The following DYM variants were observed in gnomAD, a reference collection of about 807,000 sequenced individuals.
DYM encodes the protein dyggve-Melchior-Clausen syndrome protein.
In DYM, 78 loss-of-function variants were observed where a neutral mutation model predicts 93.1. That is an observed-to-expected ratio of 0.84 (90% CI 0.70 to 1.01). DYM has a LOEUF of 1.01. Among genes scored for constraint, DYM ranks in the 50% least tolerant of loss-of-function variants. The pLI is 0.00. For synonymous variants in DYM, 321 were observed against 319.7 expected, an observed-to-expected ratio of 1.00 and a Z score of -0.04; for missense variants, 789 against 845.0, an observed-to-expected ratio of 0.93 and a Z score of 0.82.
intron 2 of DYM, chr18:49,411,858 G>A (rs79818161): frequency 5.3e-5 from 8 of 151,982 alleles, no homozygotes; most frequent in Admixed American, 1.3e-4. Context: ...AACAAGTAAC[G>A]ATTCAGGAAA....
chr18:49,239,788 G>C (rs1046466083), intron 13 of DYM, among the ~76,000 whole-genome samples: 2 of 152,242 alleles, frequency 1.3e-5, no homozygotes, highest in Non-Finnish European at 1.5e-5. Context: ...TAGAGAATCA[G>C]TTAGCTAAGC....
intron 5 of DYM, among the ~76,000 whole-genome samples, chr18:49,373,800 G>C (rs1230687628): frequency 6.6e-6 from 1 of 152,082 alleles, no homozygotes; most frequent in Non-Finnish European, 1.5e-5. Flanking sequence ...GTATTGAGTG[G>C]GCTATGCTCT....
chr18:49,318,275 G>A (rs1261830600), intron 8 of DYM, among the ~76,000 whole-genome samples: 1 of 152,168 alleles, frequency 6.6e-6, no homozygotes, highest in Non-Finnish European at 1.5e-5. Context: ...GAACAATATG[G>A]GAAACTGAGA....
chr18:49,088,031 G>A (rs1450374049), intron 17 of DYM, among the ~76,000 whole-genome samples: 2 of 152,010 alleles, frequency 1.3e-5, no homozygotes, highest in Admixed American at 6.5e-5. Context: ...TGTCAGATGA[G>A]TAGATTGCAA....
Position 49,074,477 on chromosome 18 carries a change from C to G in DYM, c.2025+22925G>C, listed in dbSNP as rs112499720. Among the ~76,000 whole-genome samples the G allele has an allele frequency of 2.9e-3, 441 of 152,200 alleles. 3 individuals are homozygous for G. Among genetic ancestry groups the G allele is most frequent in the African/African-American group, 0.01 (416 of 41,520 alleles). On this transcript the variant is annotated intron_variant, in intron 17 of 17. Coordinates refer to ENST00000675505, the MANE Select transcript of DYM (RefSeq NM_001353214.3). ...TCCTGGAACCAATCTCCCATGGATACAGAGAGATAACTGTATTGTGCTTAG... is the reference window on the plus strand; with the variant it reads ...TCCTGGAACCAATCTCCCATGGATAGAGAGAGATAACTGTATTGTGCTTAG...
chr18:49,385,373 T>C (rs574982181), intron 3 of DYM, among the ~76,000 whole-genome samples: 7 of 152,304 alleles, frequency 4.6e-5, no homozygotes, highest in Non-Finnish European at 8.8e-5. Flanking sequence ...GAAGGACCAA[T>C]GGACGTCTTA....
At chr18:49,104,396 T>C (rs899943763) in intron 16 of DYM, among the ~76,000 whole-genome samples, 24 of 152,208 alleles carry the variant, frequency 1.6e-4, no homozygotes, top group East Asian at 1.4e-3. Flanking sequence ...TAATTGAATA[T>C]CCTTTATTTC....
intron 5 of DYM, among the ~76,000 whole-genome samples, chr18:49,364,219 C>CAG: frequency 1.3e-5 from 2 of 152,220 alleles, no homozygotes; most frequent in South Asian, 4.1e-4. Flanking sequence ...CCAAGGCAGG[C>CAG]AGATCACCTG....
rs185174715 is a variant in DYM, at chr18:49,393,490, G to T, written c.141-1845C>A. 6.1e-3 allele frequency among the ~76,000 whole-genome samples: 932 copies of T among 152,294 alleles called. 4 individuals carry two copies. The highest frequency in any genetic ancestry group is 0.01 in the Non-Finnish European group (683 of 68,028). On this transcript the variant is annotated intron_variant, in intron 2 of 17. Transcript: ENST00000675505. ...TTAGTCTTAAGAAATAGGGAATTTT[G>T]ACAGGCGCGGTGGCTCATGCCTGTA...
intron 15 of DYM, among the ~76,000 whole-genome samples, chr18:49,159,462 AGTGATATAGT>A (rs2086835616): frequency 6.6e-6 from 1 of 152,272 alleles, no homozygotes; most frequent in Non-Finnish European, 1.5e-5. Context: ...AAGGTCAGCC[AGTGATATAGT>A]CCAGAGTTAA....
intron 11 of DYM, among the ~76,000 whole-genome samples, chr18:49,264,049 T>G (rs934545157): frequency 6.6e-6 from 1 of 151,414 alleles, no homozygotes; most frequent in Non-Finnish European, 1.5e-5. Context: ...TGTTCTACAC[T>G]GATAACCTGC....
At chr18:49,441,009 T>A (rs1463029492) in intron 1 of DYM, among the ~76,000 whole-genome samples, 59 of 2,500 alleles carry the variant, frequency 0.024, 17 homozygotes, top group Non-Finnish European at 0.037. Flanking sequence ...ATTTATATAT[T>A]ATATATTATA....
At position 49,118,752 on chromosome 18, in the gene DYM, T is replaced by C; in HGVS notation, c.1903A>G (p.Ile635Val). Residue 635 changes from isoleucine to valine, a missense_variant, in exon 16 of 18, where the codon ATT becomes GTT. Ile to Val is a conservative substitution (Grantham distance 29). Around this residue, in one of 3 missense-constraint regions of DYM, gnomAD observed 114 missense variants for 105.8 expected, o/e 1.08. Coordinates refer to ENST00000675505, the MANE Select transcript of DYM (RefSeq NM_001353214.3). ...TCTTCATTTACACTCACCAGATCAA[T>C]ATTTTGCATTATATCCTGAAATGAA... ...HPSFQDIMQN[I>V]DLVISFFSSR... 4.3e-6 allele frequency: 7 copies of C among 1,613,690 alleles called. No homozygotes were observed. The highest frequency in any genetic ancestry group is 5.1e-6 in the Non-Finnish European group (6 of 1,179,622).
At chr18:49,331,714 A>T in intron 8 of DYM, 150 bp downstream of exon 8, 1 of 843,722 alleles carries the variant, frequency 1.2e-6, no homozygotes, top group Non-Finnish European at 1.9e-6. Context: ...CAGAAAGATT[A>T]ATATTTTAAT....
intron 17 of DYM, among the ~76,000 whole-genome samples, chr18:49,080,137 C>T (rs113364570): frequency 0.06 from 1,378 of 22,868 alleles, 51 homozygotes; most frequent in East Asian, 0.24. Flanking sequence ...CCCTCCCGGA[C>T]GGGGCGGCTG....
intron 13 of DYM, among the ~76,000 whole-genome samples, chr18:49,242,687 C>T (rs1031963708): frequency 2.0e-5 from 3 of 152,032 alleles, no homozygotes; most frequent in Non-Finnish European, 2.9e-5. Flanking sequence ...TTATAACTAG[C>T]GTTATTTTTG....
intron 10 of DYM, among the ~76,000 whole-genome samples, chr18:49,273,254 A>G (rs927274670): frequency 1.3e-5 from 2 of 152,192 alleles, no homozygotes; most frequent in Admixed American, 1.3e-4. Context: ...AGTTCAGTGC[A>G]TGAGCACTAT....
intron 8 of DYM, among the ~76,000 whole-genome samples, chr18:49,318,764 C>T (rs913111811): frequency 6.6e-5 from 10 of 150,802 alleles, no homozygotes; most frequent in Admixed American, 6.6e-4. Context: ...TCTTGATAAA[C>T]ATGTATATGA....
At chr18:49,084,739 A>G (rs1371713990) in intron 17 of DYM, among the ~76,000 whole-genome samples, 1 of 152,224 alleles carries the variant, frequency 6.6e-6, no homozygotes, top group Non-Finnish European at 1.5e-5. Context: ...AATGTTGTCT[A>G]ACAACATAAA....
Sources: allele counts gnomAD v4.1 joint callset (sites outside exome capture counted in the v4.1 genomes callset), GRCh38; gene constraint gnomAD v4.1.1; regional missense constraint gnomAD v4.1.1; transcripts MANE v1.5; gene names NCBI Gene and HGNC (gene_info 2026-07-23, HGNC 2026-07-21).